YPEL1: variants seen among roughly 807,000 people sequenced by gnomAD.
YPEL1 encodes protein yippee-like 1.
In YPEL1, 7 loss-of-function variants were observed where a neutral mutation model predicts 17.3. The observed-to-expected ratio is 0.40, with a 90% confidence interval of 0.23 to 0.76. The LOEUF (loss-of-function observed/expected upper bound fraction) is 0.76, where lower values mean the gene tolerates loss of function less well. Among genes scored for constraint, YPEL1 ranks in the 30% least tolerant of loss-of-function variants. YPEL1 has a pLI of 0.35. For synonymous variants in YPEL1, 59 were observed against 59.6 expected, an observed-to-expected ratio of 0.99 and a Z score of 0.05; for missense variants, 91 against 155.5, an observed-to-expected ratio of 0.59 and a Z score of 2.21.
intron 1 of YPEL1, 118 bp from the exon 2 acceptor site, chr22:21,711,026 AT>A (rs770316486): frequency 0.081 from 20,850 of 257,728 alleles, 10 homozygotes; most frequent in South Asian, 0.15. Context: ...CAGGACTAGA[AT>A]TTTTTTTTTT....
intron 1 of YPEL1, among the ~76,000 whole-genome samples, chr22:21,715,421 G>C (rs1185709927): frequency 6.6e-6 from 1 of 151,840 alleles, no homozygotes; most frequent in Admixed American, 6.6e-5. Flanking sequence ...TTGAACCCGG[G>C]AGGCGGAGGC....
chr22:21,728,168 G>A (rs141186883), intron 1 of YPEL1, among the ~76,000 whole-genome samples: 151 of 152,232 alleles, frequency 9.9e-4, no homozygotes, highest in African/African-American at 3.1e-3. Context: ...AGCGGTGAGA[G>A]GTGGTGGTGT....
chr22:21,715,185 A>G (rs997681180), intron 1 of YPEL1, among the ~76,000 whole-genome samples: 2 of 152,150 alleles, frequency 1.3e-5, no homozygotes, highest in African/African-American at 4.8e-5. Flanking sequence ...CTAAAAGAAA[A>G]AGTGTAACTA....
At chr22:21,713,722 G>GT (rs1468893593) in intron 1 of YPEL1, among the ~76,000 whole-genome samples, 2 of 152,112 alleles carry the variant, frequency 1.3e-5, no homozygotes, top group Non-Finnish European at 2.9e-5. Context: ...GGTTAAGATG[G>GT]TAAGAGTTAT....
At chr22:21,718,275 AAC>A (rs2068247559) in intron 1 of YPEL1, among the ~76,000 whole-genome samples, 1 of 152,022 alleles carries the variant, frequency 6.6e-6, no homozygotes. Flanking sequence ...CATCCTGGCT[AAC>A]ACAATGAAAC....
intron 1 of YPEL1, among the ~76,000 whole-genome samples, chr22:21,719,032 C>T (rs1394826889): frequency 6.6e-6 from 1 of 152,162 alleles, no homozygotes; most frequent in Non-Finnish European, 1.5e-5. Flanking sequence ...TTTATTAGAT[C>T]TTATCTATTG....
intron 1 of YPEL1, among the ~76,000 whole-genome samples, chr22:21,716,121 C>G (rs987900593): frequency 3.3e-5 from 5 of 152,096 alleles, no homozygotes; most frequent in African/African-American, 1.2e-4. Context: ...GTTGTCCAGG[C>G]TGGTCTCAAA....
intron 2 of YPEL1, among the ~76,000 whole-genome samples, chr22:21,710,181 A>C (rs1444769690): frequency 6.6e-6 from 1 of 152,164 alleles, no homozygotes; most frequent in Non-Finnish European, 1.5e-5. Context: ...CAGGGCTCCT[A>C]CACAACCGAC....
chr22:21,707,565 TC>T (rs1249116345), intron 2 of YPEL1, among the ~76,000 whole-genome samples: 2 of 152,204 alleles, frequency 1.3e-5, no homozygotes, highest in Non-Finnish European at 2.9e-5. Context: ...AAATGAGTAT[TC>T]CCTTAAGTGG....
chr22:21,715,612 ATC>A (rs1273580231), intron 1 of YPEL1, among the ~76,000 whole-genome samples: 1 of 151,816 alleles, frequency 6.6e-6, no homozygotes, highest in Admixed American at 6.6e-5. Context: ...TTGAGATGGA[ATC>A]TCTGTCGCCC....
intron 1 of YPEL1, among the ~76,000 whole-genome samples, chr22:21,721,480 G>C (rs995219447): frequency 6.6e-6 from 1 of 150,500 alleles, no homozygotes; most frequent in Non-Finnish European, 1.5e-5. Flanking sequence ...CTGGAGTACA[G>C]TGGCGTGATC....
At chr22:21,706,512 G>A (rs1001652464) in intron 2 of YPEL1, among the ~76,000 whole-genome samples, 9 of 152,016 alleles carry the variant, frequency 5.9e-5, no homozygotes, top group African/African-American at 1.4e-4. Flanking sequence ...AACTGCATCC[G>A]CATATGGGCC....
At chr22:21,702,466 A>G (rs771024385) in intron 4 of YPEL1, among the ~76,000 whole-genome samples, 7 of 152,080 alleles carry the variant, frequency 4.6e-5, no homozygotes, top group Non-Finnish European at 7.4e-5. Flanking sequence ...GGTGGCCTGG[A>G]CCCGAAGAAC....
At position 21,708,265 on chromosome 22, in the gene YPEL1, T is replaced by G. The variant is rs2068132008; in HGVS notation, c.117+2363A>C. ...GGCCTGTGTGCTCAGAGAGCTTAGT[T>G]CTCAGCACTTTTTTTCATCCTGAAA... On this transcript the variant is annotated intron_variant, in intron 2 of 4. Transcript: ENST00000339468. Among the ~76,000 whole-genome samples, 4 of 151,604 alleles carry G rather than the reference T, an allele frequency of 2.6e-5. No individual in the cohort carries two copies. In the South Asian group the frequency reaches 8.3e-4, roughly 32 times the overall value.
intron 1 of YPEL1, among the ~76,000 whole-genome samples, chr22:21,712,459 G>A (rs1451334851): frequency 1.3e-5 from 2 of 150,034 alleles, no homozygotes; most frequent in Non-Finnish European, 3.0e-5. Context: ...CGGCGTGGTG[G>A]CTCACGCCTG....
chr22:21,698,202 T>G lies in YPEL1; in HGVS notation c.*2927A>C, dbSNP rs533140889. 6.7e-6 allele frequency: 1 copy of G among 150,078 alleles called. No individual in the cohort carries two copies. Among genetic ancestry groups the G allele is most frequent in the Non-Finnish European group, 1.5e-5 (1 of 67,462 alleles). The allele number at this position is 150,078 out of a possible 1,614,324, so 9.3% of individuals were successfully genotyped here. On this transcript the variant is annotated 3_prime_UTR_variant, in exon 5 of 5. Coordinates refer to ENST00000339468, the MANE Select transcript of YPEL1 (RefSeq NM_013313.5). ...CTGTTCATTTGGTTTAAAAATGAGCTTGTATTTTGCAGAAGCCCAACAAAA... is the reference window on the plus strand; with the variant it reads ...CTGTTCATTTGGTTTAAAAATGAGCGTGTATTTTGCAGAAGCCCAACAAAA...
intron 1 of YPEL1, among the ~76,000 whole-genome samples, chr22:21,731,539 G>GAA (rs1180671395): frequency 7.0e-6 from 1 of 143,430 alleles, no homozygotes; most frequent in African/African-American, 2.6e-5. Context: ...GAGAAGGGGG[G>GAA]AAAAAAAAAA....
chr22:21,727,469 T>C (rs2068346196), intron 1 of YPEL1, among the ~76,000 whole-genome samples: 1 of 152,172 alleles, frequency 6.6e-6, no homozygotes, highest in African/African-American at 2.4e-5. Flanking sequence ...ACACTGTGTG[T>C]CCCCACGTTT....
Position 21,703,286 on chromosome 22 carries a change from GC to G in YPEL1, c.270+83del. The G allele has an allele frequency of 8.3e-7, 1 of 1,209,894 alleles. No individual in the cohort carries two copies. The highest frequency in any genetic ancestry group is 1.2e-6 in the Non-Finnish European group (1 of 825,808). 74.9% of individuals were successfully genotyped at this position (1,209,894 alleles called of 1,614,324 possible). ...GAAAGTGCTGTGACTGGTACCATGG[GC>G]CACACTGCACGGGGAGGTGTGGCTC... On this transcript the variant is annotated intron_variant, in intron 4 of 4. Transcript: ENST00000339468. The surrounding 1 kb of genome is among the most constrained non-coding windows in gnomAD (Gnocchi z 6.1).
Sources: gnomAD v4.1 joint callset for allele counts (sites outside exome capture counted in the v4.1 genomes callset) on GRCh38, gnomAD v4.1.1 for gene constraint, Gnocchi (gnomAD v3.1) non-coding constraint, MANE v1.5 for transcripts, NCBI Gene and HGNC (gene_info 2026-07-23, HGNC 2026-07-21) for gene names.